The following CRACD variants were observed in gnomAD, a reference collection of about 807,000 sequenced individuals.
CRACD encodes the protein capping protein inhibiting regulator of actin dynamics.
In CRACD, 56 loss-of-function variants were observed where a neutral mutation model predicts 106.8. The ratio of observed to expected loss-of-function variants is 0.52; its 90% CI spans 0.42 to 0.66. CRACD has a LOEUF of 0.66. Ranked by LOEUF, CRACD falls within the 30% of genes least tolerant of loss-of-function variation. The probability of loss-of-function intolerance (pLI) is 0.00; values close to 1 mark genes in which losing one functional copy is unlikely to be tolerated. For synonymous variants in CRACD, 754 were observed against 670.8 expected (o/e 1.12, Z -1.92); for missense variants, 1,730 against 1,623.2 (o/e 1.07, Z -1.13).
chr4:56,159,874 C>A (rs1011084774), intron 1 of CRACD, among the ~76,000 whole-genome samples: 1 of 150,996 alleles, frequency 6.6e-6, no homozygotes, highest in Admixed American at 6.6e-5. Context: ...CTCCACCTCC[C>A]GGGTTCAAAC....
At chr4:56,093,248 G>A (rs922526557) in intron 1 of CRACD, among the ~76,000 whole-genome samples, 2 of 152,144 alleles carry the variant, frequency 1.3e-5, no homozygotes, top group Non-Finnish European at 2.9e-5. Flanking sequence ...AGTCATGCTA[G>A]CCTGTAATTC....
At chr4:56,214,506 C>T (rs1173617347) in intron 2 of CRACD, among the ~76,000 whole-genome samples, 5 of 151,666 alleles carry the variant, frequency 3.3e-5, no homozygotes, top group Non-Finnish European at 4.4e-5. Context: ...GCAGGAGAAT[C>T]ACGTGAACCC....
At chr4:56,189,334 C>T (rs1448153503) in intron 2 of CRACD, among the ~76,000 whole-genome samples, 2 of 152,026 alleles carry the variant, frequency 1.3e-5, no homozygotes, top group Non-Finnish European at 2.9e-5. Context: ...AACATTATTT[C>T]CTAAAGTAGT....
chr4:56,235,839 A>T (rs567830909), intron 2 of CRACD, among the ~76,000 whole-genome samples: 1 of 152,322 alleles, frequency 6.6e-6, no homozygotes, highest in East Asian at 1.9e-4. Flanking sequence ...AGATGCACAT[A>T]CAAGACAAGG....
intron 1 of CRACD, among the ~76,000 whole-genome samples, chr4:56,150,092 A>G (rs1199412623): frequency 6.6e-6 from 1 of 152,240 alleles, no homozygotes. Flanking sequence ...CAAATTCTGA[A>G]GCACACATTG....
At chr4:56,114,777 G>T (rs1443085506) in intron 1 of CRACD, among the ~76,000 whole-genome samples, 3 of 151,926 alleles carry the variant, frequency 2.0e-5, no homozygotes, top group Non-Finnish European at 4.4e-5. Context: ...AACACTTGTT[G>T]CATTTACATA....
chr4:56,324,699 A>G (rs2109801756), intron 10 of CRACD, among the ~76,000 whole-genome samples: 2 of 152,374 alleles, frequency 1.3e-5, no homozygotes, highest in South Asian at 2.1e-4. Flanking sequence ...TTACAGAAGA[A>G]CCTTCTAAAC....
intron 1 of CRACD, among the ~76,000 whole-genome samples, chr4:56,092,050 CAGAGT>C (rs1472708282): frequency 6.6e-6 from 1 of 152,038 alleles, no homozygotes; most frequent in Non-Finnish European, 1.5e-5. Flanking sequence ...TAGTGGGCCA[CAGAGT>C]TGGGGAAGAT....
intron 1 of CRACD, among the ~76,000 whole-genome samples, chr4:56,051,685 C>T (rs1731882668): frequency 2.0e-5 from 3 of 152,104 alleles, no homozygotes; most frequent in Non-Finnish European, 4.4e-5. Context: ...ACACTGTACC[C>T]CCAGAAAATC....
intron 2 of CRACD, among the ~76,000 whole-genome samples, chr4:56,270,338 G>A (rs548739102): frequency 5.9e-5 from 9 of 151,964 alleles, no homozygotes; most frequent in East Asian, 1.9e-4. Context: ...TTACAGGCGT[G>A]AGCCACCACA....
At chr4:56,312,066 G>A (rs1745193271) in intron 6 of CRACD, among the ~76,000 whole-genome samples, 1 of 152,046 alleles carries the variant, frequency 6.6e-6, no homozygotes, top group Non-Finnish European at 1.5e-5. Flanking sequence ...TGTCCCGGTG[G>A]CAGATTTTTG....
intron 4 of CRACD, among the ~76,000 whole-genome samples, chr4:56,300,354 A>C (rs961581694): frequency 2.4e-5 from 2 of 84,392 alleles, no homozygotes; most frequent in African/African-American, 9.8e-5. Context: ...CCAAAGCCAT[A>C]GTCCTGCCCT....
intron 4 of CRACD, among the ~76,000 whole-genome samples, chr4:56,298,992 C>G (rs114237097): frequency 1.3e-5 from 2 of 152,162 alleles, no homozygotes; most frequent in African/African-American, 4.8e-5. Context: ...AGTTCCTAAC[C>G]GTTAAGCATT....
At chr4:56,272,668 A>C (rs1448763773) in intron 3 of CRACD, among the ~76,000 whole-genome samples, 176 bp downstream of exon 3, 1 of 152,130 alleles carries the variant, frequency 6.6e-6, no homozygotes, top group Non-Finnish European at 1.5e-5. Context: ...AGGCGGGCAG[A>C]TCACTTGAGG....
intron 2 of CRACD, among the ~76,000 whole-genome samples, chr4:56,218,499 TA>T (rs1273810523): frequency 9.0e-6 from 1 of 111,390 alleles, no homozygotes; most frequent in Non-Finnish European, 1.8e-5. Context: ...TCCCCTCCCT[TA>T]TCTTCCCCTC....
intron 3 of CRACD, among the ~76,000 whole-genome samples, chr4:56,282,674 T>C (rs1743098635): frequency 6.6e-6 from 1 of 152,208 alleles, no homozygotes; most frequent in Non-Finnish European, 1.5e-5. Context: ...AGTGGCCTTT[T>C]GTCCTCAGGT....
intron 2 of CRACD, among the ~76,000 whole-genome samples, chr4:56,270,487 C>T (rs1403132907): frequency 6.6e-6 from 1 of 152,154 alleles, no homozygotes; most frequent in Non-Finnish European, 1.5e-5. Context: ...GCCAGCAGAG[C>T]TCTGGGGCCT....
intron 3 of CRACD, among the ~76,000 whole-genome samples, chr4:56,279,247 T>C (rs1348015806): frequency 6.6e-6 from 1 of 152,208 alleles, no homozygotes; most frequent in Non-Finnish European, 1.5e-5. Context: ...ATCATTCATC[T>C]TCTGCGTCGC....
At chr4:56,097,726 A>C (rs1393112342) in intron 1 of CRACD, among the ~76,000 whole-genome samples, 1 of 152,170 alleles carries the variant, frequency 6.6e-6, no homozygotes, top group Non-Finnish European at 1.5e-5. Context: ...TGAAAGGGTC[A>C]ATGGCATGTA....
Sources: gnomAD v4.1 joint callset for allele counts (sites outside exome capture counted in the v4.1 genomes callset) on GRCh38, gnomAD v4.1.1 for gene constraint, MANE v1.5 for transcripts, NCBI Gene and HGNC (gene_info 2026-07-23, HGNC 2026-07-21) for gene names.